The following SLC10A1 variants were observed in gnomAD, a reference collection of about 807,000 sequenced individuals.
SLC10A1 encodes solute carrier family 10 member 1, also known as hepatic sodium/bile acid cotransporter.
SLC10A1 carries 36 observed loss-of-function variants against 20.5 expected under a neutral mutation model. The observed-to-expected ratio is 1.75, with a 90% confidence interval of 1.34 to 2.32. The LOEUF is 2.32. Ranked by LOEUF, SLC10A1 falls within the 30% of genes most tolerant of loss-of-function variation. The probability of loss-of-function intolerance (pLI) is 0.00; values close to 1 mark genes in which losing one functional copy is unlikely to be tolerated. For missense variants in SLC10A1, 545 were observed against 439.1 expected, an observed-to-expected ratio of 1.24 and a Z score of -2.16; for synonymous variants, 188 against 163.6, an observed-to-expected ratio of 1.15 and a Z score of -1.14.
At chr14:69,776,734 C>T (rs1018653847) in intron 4 of SLC10A1, among the ~76,000 whole-genome samples, 8 of 152,218 alleles carry the variant, frequency 5.3e-5, no homozygotes, top group South Asian at 2.1e-4. Context: ...GAAAGATCTT[C>T]GAGAAAGTCT....
chr14:69,777,515 G>GGAAGAATATACTAATGTTGA (rs1883472689), intron 4 of SLC10A1, among the ~76,000 whole-genome samples: 1 of 150,528 alleles, frequency 6.6e-6, no homozygotes, highest in Non-Finnish European at 1.5e-5. Context: ...TAGGTACTTA[G>GGAAGAATATACTAATGTTGA]GAAGAATATA....
Position 69,776,264 on chromosome 14 carries a change from A to T in SLC10A1, c.*18T>A, listed in dbSNP as rs762452049. The stretch of plus-strand genomic sequence containing the variant: ...CAGAATTGCTTTGGGACCAGAATCC[A>T]GGCCACCAGGGGAAGGGCTAGGCTG... On this transcript the variant is annotated 3_prime_UTR_variant, in exon 5 of 5. Transcript: ENST00000216540. 6.3e-7 allele frequency: 1 copy of T among 1,596,812 alleles called. No individual in the cohort carries two copies. The highest frequency in any genetic ancestry group is 8.6e-7 in the Non-Finnish European group (1 of 1,167,722).
intron 2 of SLC10A1, among the ~76,000 whole-genome samples, chr14:69,781,070 G>GC (rs1287074270): frequency 6.6e-6 from 1 of 152,158 alleles, no homozygotes; most frequent in African/African-American, 2.4e-5. Flanking sequence ...AGCTGCCTCT[G>GC]CTAGTCTCCA....
chr14:69,784,520 C>CAG (rs3837667), intron 2 of SLC10A1, among the ~76,000 whole-genome samples: 3 of 151,674 alleles, frequency 2.0e-5, no homozygotes, highest in Non-Finnish European at 2.9e-5. Context: ...AAGCGATTGA[C>CAG]AGAGAGAGAG....
rs139625408 is a variant in SLC10A1, at chr14:69,776,937, C to G, written c.944-549G>C. ...GAAAAGTATAAAAACTTGACAGATT[C>G]CTCCCCCCTGAGAATAGCTTCTTGG... On this transcript the variant is annotated intron_variant, in intron 4 of 4. Coordinates refer to ENST00000216540, the MANE Select transcript of SLC10A1 (RefSeq NM_003049.4). 2.8e-3 allele frequency among the ~76,000 whole-genome samples: 420 copies of G among 152,276 alleles called. 1 individual carries two copies. The highest frequency in any genetic ancestry group is 6.8e-3 in the Middle Eastern group (2 of 292).
intron 1 of SLC10A1, among the ~76,000 whole-genome samples, chr14:69,786,670 T>A (rs568341055): frequency 6.6e-6 from 1 of 152,284 alleles, no homozygotes; most frequent in Non-Finnish European, 1.5e-5. Context: ...CAAGCCCATT[T>A]TGTAGAAAGC....
At chr14:69,788,935 T>C (rs1883784702) in intron 1 of SLC10A1, among the ~76,000 whole-genome samples, 1 of 152,162 alleles carries the variant, frequency 6.6e-6, no homozygotes, top group Non-Finnish European at 1.5e-5. Flanking sequence ...AAAGAAGATA[T>C]ACAAATGGCT....
At chr14:69,786,058 C>T (rs201302724) in intron 2 of SLC10A1, 39 bp downstream of exon 2, 42 of 1,459,184 alleles carry the variant, frequency 2.9e-5, no homozygotes, top group Non-Finnish European at 9.6e-6. Context: ...GGTGTTTTTA[C>T]TCTTTTGCCC....
intron 2 of SLC10A1, among the ~76,000 whole-genome samples, chr14:69,783,999 TAGAA>T (rs762410748): frequency 1.3e-5 from 2 of 152,164 alleles, no homozygotes; most frequent in Non-Finnish European, 2.9e-5. Flanking sequence ...TATATTCAGA[TAGAA>T]AGACCTGGTA....
chr14:69,789,564 G>T (rs1164330894), intron 1 of SLC10A1, among the ~76,000 whole-genome samples: 1 of 152,142 alleles, frequency 6.6e-6, no homozygotes, highest in Non-Finnish European at 1.5e-5. Context: ...CCTGCTAAAT[G>T]GGATGGAGTT....
At chr14:69,788,126 G>A (rs906720492) in intron 1 of SLC10A1, among the ~76,000 whole-genome samples, 3 of 152,052 alleles carry the variant, frequency 2.0e-5, no homozygotes, top group Non-Finnish European at 4.4e-5. Context: ...TGGGGTGTTA[G>A]TCTTGGCACT....
intron 1 of SLC10A1, among the ~76,000 whole-genome samples, chr14:69,794,087 C>T (rs1313243457): frequency 6.6e-6 from 1 of 152,142 alleles, no homozygotes; most frequent in Non-Finnish European, 1.5e-5. Flanking sequence ...TCAGCCTCTT[C>T]ATGTGTAAAA....
intron 2 of SLC10A1, 21 bp downstream of exon 2, chr14:69,786,076 T>A: frequency 6.2e-7 from 1 of 1,603,046 alleles, no homozygotes; most frequent in Non-Finnish European, 8.5e-7. Context: ...CCCTAATTTG[T>A]CAAGCCTCCC....
intron 2 of SLC10A1, among the ~76,000 whole-genome samples, chr14:69,782,924 T>C (rs1439028181): frequency 1.3e-5 from 2 of 152,188 alleles, no homozygotes; most frequent in Admixed American, 6.5e-5. Flanking sequence ...TCATTAGCAC[T>C]ATGACTTGGT....
At chr14:69,790,084 C>T (rs1479766356) in intron 1 of SLC10A1, among the ~76,000 whole-genome samples, 1 of 152,026 alleles carries the variant, frequency 6.6e-6, no homozygotes, top group Non-Finnish European at 1.5e-5. Context: ...TTCATACTTT[C>T]ATTTTTAACT....
At position 69,786,209 on chromosome 14, in the gene SLC10A1, T is replaced by C. The variant is rs760716161; in HGVS notation, c.455A>G (p.Asp152Gly). 1.9e-6 allele frequency: 3 copies of C among 1,613,916 alleles called. No homozygotes were observed. The highest frequency in any genetic ancestry group is 2.5e-6 in the Non-Finnish European group (3 of 1,179,828). ...CACGATGCCTTTATAGGGCACCTTG[T>C]CCTTCAGGTCCCCATCATAGATCCC... is the stretch of plus-strand genomic sequence containing the variant. ...SRGIYDGDLK[D>G]KVPYKGIVIS... The change falls in exon 2 of 5, where the codon GAC becomes GGC. Residue 152 changes from aspartate (D) to glycine (G), a missense_variant. Physicochemically the swap from Asp to Gly is moderately conservative, Grantham distance 94 (BLOSUM62 -1). Coordinates refer to ENST00000216540, the MANE Select transcript of SLC10A1 (RefSeq NM_003049.4).
At chr14:69,782,584 G>C (rs1164717540) in intron 2 of SLC10A1, among the ~76,000 whole-genome samples, 1 of 152,178 alleles carries the variant, frequency 6.6e-6, no homozygotes, top group Non-Finnish European at 1.5e-5. Context: ...AAGGCGGGGA[G>C]ATCACAAGGT....
In SLC10A1 at chr14:69,777,635, A is replaced by G. The variant is rs573592557; in HGVS notation, c.943+698T>C. ...TTGGTGTTAAAGTGCACTTTGAGGA[A>G]GGCACTCTGTTCTCTGGTCTGTCTT... On this transcript the variant is annotated intron_variant, in intron 4 of 4. Coordinates refer to ENST00000216540, the MANE Select transcript of SLC10A1 (RefSeq NM_003049.4). Among the ~76,000 whole-genome samples the G allele has an allele frequency of 4.9e-5, 6 of 122,780 alleles. No individual in the cohort carries two copies. The East Asian group carries it at 1.5e-3, about 30-fold the overall frequency. The allele number at this position is 122,780 out of a possible 152,430, so 80.5% of individuals were successfully genotyped here. A position where few individuals can be genotyped will look rare whatever the true frequency, so the allele number is the denominator to read the frequency against.
At chr14:69,776,535 G>A in intron 4 of SLC10A1, 147 bp from the exon 5 acceptor site, 2 of 640,770 alleles carry the variant, frequency 3.1e-6, no homozygotes, top group Non-Finnish European at 5.4e-6. Flanking sequence ...CTCTCCCATG[G>A]TTTACTCTTT....
Sources: gnomAD v4.1 joint callset for allele counts (sites outside exome capture counted in the v4.1 genomes callset) on GRCh38, gnomAD v4.1.1 for gene constraint, MANE v1.5 for transcripts, NCBI Gene and HGNC (gene_info 2026-07-23, HGNC 2026-07-21) for gene names.